The following PTPRD variants were observed in gnomAD, a reference collection of about 807,000 sequenced individuals.
PTPRD encodes receptor-type tyrosine-protein phosphatase delta.
Under a neutral mutation model 214.5 loss-of-function variants are expected in PTPRD, and 34 were observed. The ratio of observed to expected loss-of-function variants is 0.16; its 90% CI spans 0.12 to 0.21. The LOEUF (loss-of-function observed/expected upper bound fraction) is 0.21, where lower values mean the gene tolerates loss of function less well. Among genes scored for constraint, PTPRD ranks in the 10% least tolerant of loss-of-function variants. PTPRD has a pLI of 1.00. For synonymous variants in PTPRD, 1,128 were observed against 845.7 expected, an observed-to-expected ratio of 1.33 and a Z score of -5.79; for missense variants, 2,545 against 2,398.7, an observed-to-expected ratio of 1.06 and a Z score of -1.27.
intron 12 of PTPRD, among the ~76,000 whole-genome samples, chr9:8,705,938 C>T (rs1345391683): frequency 6.6e-6 from 1 of 152,060 alleles, no homozygotes; most frequent in Admixed American, 6.6e-5. Context: ...AACTGTGATT[C>T]GGAGCATTTA....
At chr9:9,948,129 A>G (rs1225218394) in intron 4 of PTPRD, among the ~76,000 whole-genome samples, 1 of 152,028 alleles carries the variant, frequency 6.6e-6, no homozygotes, top group Non-Finnish European at 1.5e-5. Flanking sequence ...ATGTGTTACT[A>G]TTTATTTGCC....
At chr9:9,767,921 C>T (rs1403136795) in intron 5 of PTPRD, among the ~76,000 whole-genome samples, 1 of 152,074 alleles carries the variant, frequency 6.6e-6, no homozygotes, top group Non-Finnish European at 1.5e-5. Context: ...GTCTATGGAG[C>T]TACTGGGTGA....
intron 9 of PTPRD, among the ~76,000 whole-genome samples, chr9:9,238,982 T>C (rs1183171711): frequency 6.6e-6 from 1 of 152,132 alleles, no homozygotes; most frequent in Non-Finnish European, 1.5e-5. Flanking sequence ...GTCTTTTTCA[T>C]CACCAGTCTA....
chr9:8,887,879 G>C (rs12379735), intron 11 of PTPRD, among the ~76,000 whole-genome samples: 17,096 of 152,174 alleles, frequency 0.11, 1,313 homozygotes, highest in East Asian at 0.29. Context: ...TCAGCGCTTT[G>C]ATGTCAAGTC....
chr9:10,179,370 G>T (rs72696955), intron 3 of PTPRD, among the ~76,000 whole-genome samples: 8,158 of 151,990 alleles, frequency 0.054, 312 homozygotes, highest in Admixed American at 0.1. Flanking sequence ...ATAGAAAGCA[G>T]TCAATCTAGA....
chr9:8,918,086 C>T (rs1366607032), intron 11 of PTPRD, among the ~76,000 whole-genome samples: 1 of 152,118 alleles, frequency 6.6e-6, no homozygotes, highest in Non-Finnish European at 1.5e-5. Context: ...AACCTCTACC[C>T]AAAGTCAGTT....
intron 9 of PTPRD, among the ~76,000 whole-genome samples, chr9:9,213,363 GA>G (rs1380600163): frequency 6.6e-6 from 1 of 152,156 alleles, no homozygotes; most frequent in Non-Finnish European, 1.5e-5. Context: ...AGACATCAAC[GA>G]AAGTTTACAC....
intron 5 of PTPRD, among the ~76,000 whole-genome samples, chr9:9,795,975 C>T (rs558491723): frequency 1.4e-4 from 22 of 151,922 alleles, no homozygotes; most frequent in African/African-American, 5.1e-4. Flanking sequence ...GACTATGCAC[C>T]ACCGTCACAA....
At chr9:9,782,123 G>T (rs571369413) in intron 5 of PTPRD, among the ~76,000 whole-genome samples, 14 of 152,092 alleles carry the variant, frequency 9.2e-5, no homozygotes, top group African/African-American at 3.1e-4. Flanking sequence ...TTCTCCAGAA[G>T]TATTCTTTGA....
chr9:8,677,674 T>A (rs758631752), intron 12 of PTPRD, among the ~76,000 whole-genome samples: 4 of 152,156 alleles, frequency 2.6e-5, no homozygotes, highest in Non-Finnish European at 4.4e-5. Flanking sequence ...ATAAAAGTTT[T>A]AAAAAATGTG....
rs548605571 is a variant in PTPRD at position 9,548,083 on chromosome 9, C to G, written c.-237+26649G>C. Among the ~76,000 whole-genome samples the G allele has an allele frequency of 2.0e-5, 3 of 151,882 alleles. No homozygotes were observed. In the East Asian group the frequency reaches 5.8e-4, roughly 30 times the overall value. On this transcript the variant is annotated intron_variant, in intron 8 of 45. Coordinates refer to ENST00000381196, the MANE Select transcript of PTPRD (RefSeq NM_002839.4). ...AATGAAGTTGAAATAAAGATATTTG[C>G]TGAGCAATGTAATACAATTTGTCAT... is the stretch of plus-strand genomic sequence containing the variant.
chr9:9,629,913 T>C (rs1378894787), intron 7 of PTPRD, among the ~76,000 whole-genome samples: 1 of 151,958 alleles, frequency 6.6e-6, no homozygotes, highest in African/African-American at 2.4e-5. Flanking sequence ...GTAGGGGAAA[T>C]GAGAGTAGGT....
At chr9:9,399,826 A>G (rs1363476325) in intron 8 of PTPRD, among the ~76,000 whole-genome samples, 1 of 152,026 alleles carries the variant, frequency 6.6e-6, no homozygotes, top group Non-Finnish European at 1.5e-5. Flanking sequence ...GGAACTGTGA[A>G]TGAATCAATT....
intron 11 of PTPRD, among the ~76,000 whole-genome samples, chr9:8,936,834 A>T (rs2099001185): frequency 6.6e-6 from 1 of 152,200 alleles, no homozygotes. Flanking sequence ...GATAATTCAA[A>T]ATGGTTTCTT....
chr9:9,633,570 G>T (rs1326936395), intron 7 of PTPRD, among the ~76,000 whole-genome samples: 2 of 152,120 alleles, frequency 1.3e-5, no homozygotes, highest in Non-Finnish European at 2.9e-5. Context: ...CAAGGAGTCT[G>T]ATTCTCTCTC....
chr9:9,709,584 C>T (rs1001899951), intron 7 of PTPRD, among the ~76,000 whole-genome samples: 7 of 152,030 alleles, frequency 4.6e-5, no homozygotes, highest in Non-Finnish European at 1.0e-4. Flanking sequence ...TTAATACATA[C>T]TACAAACCTT....
chr9:9,766,599 G>A (rs1305737216), intron 6 of PTPRD, among the ~76,000 whole-genome samples: 2 of 152,024 alleles, frequency 1.3e-5, no homozygotes, highest in African/African-American at 4.8e-5. Context: ...TAGATTTTAT[G>A]GATTAAGGCT....
chr9:9,455,276 C>G (rs1389469794), intron 8 of PTPRD, among the ~76,000 whole-genome samples: 1 of 151,446 alleles, frequency 6.6e-6, no homozygotes, highest in Non-Finnish European at 1.5e-5. Flanking sequence ...CACCTTGCCT[C>G]ATTTTTTAAA....
intron 44 of PTPRD, among the ~76,000 whole-genome samples, chr9:8,321,475 GTGTGTGTGTGTGTATA>G (rs1411255082): frequency 2.0e-5 from 2 of 99,972 alleles, no homozygotes; most frequent in Admixed American, 1.1e-4. Context: ...GTGTGTGTGT[GTGTGTGTGTGTGTATA>G]TATATATATA....
Sources: gnomAD v4.1 joint callset for allele counts (sites outside exome capture counted in the v4.1 genomes callset) on GRCh38, gnomAD v4.1.1 for gene constraint, MANE v1.5 for transcripts, NCBI Gene and HGNC (gene_info 2026-07-23, HGNC 2026-07-21) for gene names.